Variants in USH2A observed in about 807,000 individuals in gnomAD.
USH2A encodes the protein usherin.
USH2A carries 443 observed loss-of-function variants against 538.9 expected under a neutral mutation model. That is an observed-to-expected ratio of 0.82 (90% CI 0.76 to 0.89). The LOEUF is 0.89. USH2A is among the 40% of genes least tolerant of loss of function. The pLI, the probability that USH2A is intolerant of heterozygous loss-of-function variation, is 0.00. For missense variants in USH2A, 6,633 were observed against 6,324.8 expected (o/e 1.05, Z -1.65); for synonymous variants, 2,413 against 2,273.5 (o/e 1.06, Z -1.75).
intron 45 of USH2A, 145 bp downstream of exon 45, chr1:215,845,679 G>A (rs1006464599): frequency 1.3e-6 from 1 of 775,876 alleles, no homozygotes; most frequent in Non-Finnish European, 2.2e-6. Context: ...TGATGACAGT[G>A]AGCACTTAAG....
chr1:216,236,980 C>T (rs1304530144), intron 13 of USH2A, among the ~76,000 whole-genome samples: 1 of 152,124 alleles, frequency 6.6e-6, no homozygotes, highest in Non-Finnish European at 1.5e-5. Context: ...AATGACAACT[C>T]TGATTACATC....
chr1:216,199,913 T>G lies in USH2A; in HGVS notation c.3525A>C (p.Gln1175His). 6.2e-7 allele frequency: 1 copy of G among 1,614,068 alleles called. No individual in the cohort carries two copies. The highest frequency in any genetic ancestry group is 8.5e-7 in the Non-Finnish European group (1 of 1,179,980). The part of the protein sequence containing the change: ...VTLTWTTLSN[Q>H]SGPIEKYILS... ...AAATATATTTCTCTATGGGACCAGATTGATTTGAGAGTGTTGTCCAGGTAA... is the reference window on the plus strand; with the variant it reads ...AAATATATTTCTCTATGGGACCAGAGTGATTTGAGAGTGTTGTCCAGGTAA... Residue 1175 changes from glutamine (Q) to histidine (H), a missense_variant, in exon 17 of 72, where the codon CAA becomes CAC. Coordinates refer to ENST00000307340, the MANE Select transcript of USH2A (RefSeq NM_206933.4).
intron 11 of USH2A, among the ~76,000 whole-genome samples, chr1:216,267,676 T>G (rs1419359462): frequency 6.6e-6 from 1 of 152,082 alleles, no homozygotes; most frequent in Admixed American, 6.6e-5. Context: ...TTAGAGGATT[T>G]TTCTCTCCTC....
rs80193977 is a variant in USH2A, at chr1:215,832,456, G to C, written c.9371+5535C>G. On this transcript the variant is annotated intron_variant, in intron 47 of 71. Coordinates refer to ENST00000307340, the MANE Select transcript of USH2A (RefSeq NM_206933.4). Reference sequence around the variant, plus strand: ...GTCACAACGAAGTTCTGGTTATCCAGCGAATACAAACTAGTTCAATAATTT... The same window carrying C: ...GTCACAACGAAGTTCTGGTTATCCACCGAATACAAACTAGTTCAATAATTT... 5.5e-3 allele frequency among the ~76,000 whole-genome samples: 831 copies of C among 152,012 alleles called. 6 individuals carry two copies. The highest frequency in any genetic ancestry group is 0.019 in the African/African-American group (770 of 41,522).
intron 61 of USH2A, among the ~76,000 whole-genome samples, chr1:215,686,409 G>A (rs1319639723): frequency 1.3e-5 from 2 of 151,984 alleles, no homozygotes; most frequent in African/African-American, 4.8e-5. Context: ...ATAGATGAAG[G>A]ATTAGAAGAA....
intron 63 of USH2A, 137 bp downstream of exon 63, chr1:215,673,963 A>G: frequency 6.9e-7 from 1 of 1,459,484 alleles, no homozygotes; most frequent in Non-Finnish European, 9.5e-7. Context: ...TTTGTCTACT[A>G]TGCACGTTTA....
chr1:216,010,428 C>A (rs1353843966), intron 32 of USH2A, among the ~76,000 whole-genome samples: 2 of 152,046 alleles, frequency 1.3e-5, no homozygotes, highest in East Asian at 3.9e-4. Context: ...AACTCTGGCC[C>A]AAGGTTCTCT....
Position 216,365,066 on chromosome 1 carries a change from C to G in USH2A, c.671G>C (p.Ser224Thr), listed in dbSNP as rs142234324. The G allele has an allele frequency of 9.9e-6, 16 of 1,612,972 alleles. No individual in the cohort carries two copies. In the African/African-American group the frequency reaches 2.1e-4, roughly 22 times the overall value. The change falls in exon 4 of 72, where the codon AGC becomes ACC. Residue 224 changes from serine to threonine, a missense_variant. Transcript: ENST00000307340. ...LSVQVHQTKI[S>T]FFINGVEKDH... ...CTTCTCCACGCCATTGATAAAGAAGCTGATTTTTGTCTGATGCACCTGTAA... is the reference window on the plus strand; with the variant it reads ...CTTCTCCACGCCATTGATAAAGAAGGTGATTTTTGTCTGATGCACCTGTAA...
chr1:215,636,399 T>C (rs1011334776), intron 69 of USH2A, among the ~76,000 whole-genome samples: 1 of 152,246 alleles, frequency 6.6e-6, no homozygotes, highest in East Asian at 1.9e-4. Context: ...AATGTTGGAC[T>C]CTGACCTTTG....
At chr1:215,835,743 AAC>A (rs1571731930) in intron 47 of USH2A, among the ~76,000 whole-genome samples, 1 of 152,062 alleles carries the variant, frequency 6.6e-6, no homozygotes, top group Non-Finnish European at 1.5e-5. Flanking sequence ...CTGTGGAAAA[AAC>A]AGTTTGTTTC....
chr1:215,646,454 C>T (rs1345251821), intron 67 of USH2A, among the ~76,000 whole-genome samples: 3 of 151,558 alleles, frequency 2.0e-5, no homozygotes, highest in South Asian at 2.1e-4. Flanking sequence ...CTCATAATGA[C>T]ATTTTGAGCA....
At chr1:216,360,838 A>G (rs2038478279) in intron 4 of USH2A, among the ~76,000 whole-genome samples, 1 of 152,150 alleles carries the variant, frequency 6.6e-6, no homozygotes, top group African/African-American at 2.4e-5. Context: ...TATGGGCTGG[A>G]TACTTGATAT....
chr1:215,685,923 C>A (rs974109205), intron 61 of USH2A, among the ~76,000 whole-genome samples: 1 of 152,028 alleles, frequency 6.6e-6, no homozygotes, highest in Non-Finnish European at 1.5e-5. Context: ...GCTCCGGAAT[C>A]AAAGATCAAC....
At chr1:216,330,817 G>A (rs765190991) in intron 4 of USH2A, among the ~76,000 whole-genome samples, 1 of 151,944 alleles carries the variant, frequency 6.6e-6, no homozygotes, top group Non-Finnish European at 1.5e-5. Flanking sequence ...CAGTTAGGAG[G>A]ATATTACAGT....
At chr1:216,209,328 C>G (rs894911376) in intron 15 of USH2A, among the ~76,000 whole-genome samples, 1 of 152,170 alleles carries the variant, frequency 6.6e-6, no homozygotes, top group Non-Finnish European at 1.5e-5. Flanking sequence ...CACCTGCCCT[C>G]CAGATGTTTG....
chr1:216,370,094 C>T (rs927536953), intron 3 of USH2A, among the ~76,000 whole-genome samples: 2 of 152,056 alleles, frequency 1.3e-5, no homozygotes, highest in Non-Finnish European at 2.9e-5. Context: ...CACAATGGCG[C>T]GTGCCTGTAA....
At chr1:216,278,146 G>T (rs2036705610) in intron 11 of USH2A, among the ~76,000 whole-genome samples, 1 of 152,056 alleles carries the variant, frequency 6.6e-6, no homozygotes, top group Admixed American at 6.6e-5. Flanking sequence ...TGGCTATTTA[G>T]GGCTATTGAA....
chr1:215,687,371 T>C, intron 61 of USH2A, among the ~76,000 whole-genome samples: 1 of 147,470 alleles, frequency 6.8e-6, no homozygotes, highest in South Asian at 2.1e-4. Flanking sequence ...GGGAGAAGGT[T>C]TTTTTTTTCC....
chr1:216,115,581 T>C (rs961954608), intron 21 of USH2A, among the ~76,000 whole-genome samples: 8 of 152,202 alleles, frequency 5.3e-5, no homozygotes, highest in African/African-American at 1.7e-4. Context: ...GAGTTTATTG[T>C]AAAAATGCTT....
Sources: gnomAD v4.1 joint callset for allele counts (sites outside exome capture counted in the v4.1 genomes callset) on GRCh38, gnomAD v4.1.1 for gene constraint, MANE v1.5 for transcripts, NCBI Gene and HGNC (gene_info 2026-07-23, HGNC 2026-07-21) for gene names.